HTR2A: variants seen among roughly 807,000 people sequenced by gnomAD.
HTR2A encodes the protein 5-hydroxytryptamine receptor 2A.
HTR2A carries 14 observed loss-of-function variants against 31.0 expected under a neutral mutation model. The ratio of observed to expected loss-of-function variants is 0.45; its 90% CI spans 0.30 to 0.71. HTR2A has a LOEUF of 0.71. Ranked by LOEUF, HTR2A falls within the 30% of genes least tolerant of loss-of-function variation. HTR2A has a pLI of 0.09. For synonymous variants in HTR2A, 209 were observed against 225.2 expected, an observed-to-expected ratio of 0.93 and a Z score of 0.64; for missense variants, 442 against 573.3, an observed-to-expected ratio of 0.77 and a Z score of 2.34.
At chr13:46,879,484 T>C (rs193216611) in intron 3 of HTR2A, among the ~76,000 whole-genome samples, 7 of 152,074 alleles carry the variant, frequency 4.6e-5, no homozygotes, top group African/African-American at 1.7e-4. Context: ...AAGGGTAAAA[T>C]CTTGGGGAAA....
intron 3 of HTR2A, among the ~76,000 whole-genome samples, chr13:46,888,470 G>GGA (rs1555300193): frequency 6.8e-6 from 1 of 146,966 alleles, no homozygotes; most frequent in Non-Finnish European, 1.5e-5. Context: ...ATGAAGTGCT[G>GGA]AAAAAAAAAA....
chr13:46,890,410 C>A (rs2138252974), intron 3 of HTR2A, among the ~76,000 whole-genome samples: 1 of 152,288 alleles, frequency 6.6e-6, no homozygotes, highest in South Asian at 2.1e-4. Flanking sequence ...TTCCAGCCTG[C>A]CTGCCTCCTG....
At chr13:46,886,785 TGTTA>T (rs1951009738) in intron 3 of HTR2A, among the ~76,000 whole-genome samples, 1 of 152,178 alleles carries the variant, frequency 6.6e-6, no homozygotes, top group African/African-American at 2.4e-5. Flanking sequence ...GTTGCCAGTT[TGTTA>T]AAGGAACAGA....
intron 3 of HTR2A, among the ~76,000 whole-genome samples, chr13:46,869,521 C>CT (rs1950847877): frequency 6.6e-6 from 1 of 152,034 alleles, no homozygotes; most frequent in Non-Finnish European, 1.5e-5. Context: ...TTTGATAGTT[C>CT]ATCAAAAAGT....
At chr13:46,861,629 G>A (rs577505024) in intron 3 of HTR2A, among the ~76,000 whole-genome samples, 4 of 152,198 alleles carry the variant, frequency 2.6e-5, no homozygotes, top group East Asian at 1.9e-4. Context: ...AAACACTTCC[G>A]AAGAGGCAAT....
intron 3 of HTR2A, among the ~76,000 whole-genome samples, chr13:46,876,376 A>T (rs778172478): frequency 5.9e-4 from 68 of 115,228 alleles, no homozygotes; most frequent in East Asian, 5.5e-4. Flanking sequence ...GTGTGCTTGT[A>T]TTTTGATTCA....
In HTR2A at chr13:46,840,301, C is replaced by T. The variant is rs139470720; in HGVS notation, c.614-4662G>A. On this transcript the variant is annotated intron_variant, in intron 3 of 3. Coordinates refer to ENST00000542664, the MANE Select transcript of HTR2A (RefSeq NM_000621.5). ...GACTCACTATCCTGATACAGAGTGG[C>T]TAAATTCCTTCTAATCTATGTATGG... 1.7e-3 allele frequency among the ~76,000 whole-genome samples: 265 copies of T among 152,148 alleles called. 1 individual carries two copies. The highest frequency in any genetic ancestry group is 6.1e-3 in the African/African-American group (255 of 41,508).
chr13:46,847,795 G>A (rs1461605651), intron 3 of HTR2A, among the ~76,000 whole-genome samples: 4 of 152,214 alleles, frequency 2.6e-5, no homozygotes, highest in South Asian at 2.1e-4. Flanking sequence ...TCTTAGTTTG[G>A]GTTTCAGATG....
intron 3 of HTR2A, among the ~76,000 whole-genome samples, chr13:46,874,808 G>A (rs1436348192): frequency 6.6e-6 from 1 of 152,212 alleles, no homozygotes; most frequent in Non-Finnish European, 1.5e-5. Context: ...AACACAAAAG[G>A]AACCTCGTTT....
chr13:46,873,407 T>TTAG (rs1351165070), intron 3 of HTR2A, among the ~76,000 whole-genome samples: 1 of 147,308 alleles, frequency 6.8e-6, no homozygotes, highest in East Asian at 2.0e-4. Flanking sequence ...ATCCAAAACA[T>TTAG]TCCCAACTGT....
chr13:46,860,060 C>T (rs1312316468), intron 3 of HTR2A, among the ~76,000 whole-genome samples: 1 of 152,158 alleles, frequency 6.6e-6, no homozygotes, highest in Non-Finnish European at 1.5e-5. Flanking sequence ...GGAAGTCCCC[C>T]AGCCCTTACT....
At chr13:46,847,322 A>C (rs972073797) in intron 3 of HTR2A, among the ~76,000 whole-genome samples, 1 of 152,206 alleles carries the variant, frequency 6.6e-6, no homozygotes, top group Admixed American at 6.5e-5. Flanking sequence ...GCATCTCTGC[A>C]GTCAACATAA....
chr13:46,846,866 A>G (rs1174980619), intron 3 of HTR2A, among the ~76,000 whole-genome samples: 1 of 152,220 alleles, frequency 6.6e-6, no homozygotes, highest in Non-Finnish European at 1.5e-5. Flanking sequence ...TTTCTCACCC[A>G]AGACAACAGA....
intron 3 of HTR2A, among the ~76,000 whole-genome samples, chr13:46,875,196 T>C (rs574792469): frequency 6.6e-6 from 1 of 152,350 alleles, no homozygotes; most frequent in East Asian, 1.9e-4. Context: ...GAATATAGCC[T>C]ACAAATGTAG....
At chr13:46,852,965 A>T (rs1466671959) in intron 3 of HTR2A, among the ~76,000 whole-genome samples, 1 of 134,400 alleles carries the variant, frequency 7.4e-6, no homozygotes, top group African/African-American at 2.6e-5. Context: ...TAATAGTTCT[A>T]GGGCTTTTTT....
At chr13:46,852,274 T>G (rs1424434298) in intron 3 of HTR2A, 1 of 152,286 alleles carries the variant, frequency 6.6e-6, no homozygotes, top group African/African-American at 2.4e-5. Flanking sequence ...GAGGTGTCAT[T>G]TCAGTTTGTA....
intron 3 of HTR2A, among the ~76,000 whole-genome samples, chr13:46,859,104 C>T (rs1000794481): frequency 6.6e-6 from 1 of 152,188 alleles, no homozygotes; most frequent in Admixed American, 6.6e-5. Flanking sequence ...GAAACAGATA[C>T]TCAACATGTT....
intron 3 of HTR2A, among the ~76,000 whole-genome samples, chr13:46,885,922 AGATT>A (rs1390413842): frequency 6.6e-6 from 1 of 152,206 alleles, no homozygotes; most frequent in African/African-American, 2.4e-5. Context: ...TCTCTCTGTT[AGATT>A]GTTTCCTTTT....
chr13:46,884,159 G>T lies in HTR2A; in HGVS notation c.613+8231C>A, dbSNP rs554536409. On this transcript the variant is annotated intron_variant, in intron 3 of 3. Transcript: ENST00000542664. ...GAAACACTTTGGAATAAAAATATTT[G>T]TGACAGGCCGGGTGAAGTGGCTCAC... 2.5e-3 allele frequency among the ~76,000 whole-genome samples: 384 copies of T among 152,318 alleles called. 2 individuals are homozygous for T. Among genetic ancestry groups the T allele is most frequent in the African/African-American group, 8.9e-3 (369 of 41,578 alleles).
Sources: gnomAD v4.1 joint callset for allele counts (sites outside exome capture counted in the v4.1 genomes callset) on GRCh38, gnomAD v4.1.1 for gene constraint, MANE v1.5 for transcripts, NCBI Gene and HGNC (gene_info 2026-07-23, HGNC 2026-07-21) for gene names.